The following PCDH11X variants were observed in gnomAD, a reference collection of about 807,000 sequenced individuals.
PCDH11X encodes protocadherin-11 X-linked.
A neutral mutation model predicts 53.3 loss-of-function variants in PCDH11X; 18 were observed. The observed-to-expected ratio is 0.34, with a 90% confidence interval of 0.23 to 0.50. The LOEUF (loss-of-function observed/expected upper bound fraction) is 0.50, where lower values mean the gene tolerates loss of function less well. Ranked by LOEUF, PCDH11X falls within the 20% of genes least tolerant of loss-of-function variation. The probability of loss-of-function intolerance (pLI) is 0.98; values close to 1 mark genes in which losing one functional copy is unlikely to be tolerated. For missense variants in PCDH11X, 570 were observed against 1,032.4 expected (o/e 0.55, Z 6.14); for synonymous variants, 279 against 393.3 (o/e 0.71, Z 3.44).
chrX:92,257,479 A>G (rs932112075), intron 7 of PCDH11X, among the ~76,000 whole-genome samples: 2 of 111,660 alleles, frequency 1.8e-5, no homozygotes, highest in African/African-American at 6.5e-5. Flanking sequence ...CCAAAGTCCA[A>G]AGTCTCATCT....
chrX:91,782,435 G>C (rs1205379623), intron 1 of PCDH11X, among the ~76,000 whole-genome samples: 1 of 106,231 alleles, frequency 9.4e-6, no homozygotes, highest in Non-Finnish European at 1.9e-5. Flanking sequence ...AGTAGTAACT[G>C]GTGTTAAATT....
chrX:92,098,398 ATTTTG>A (rs1373609945), intron 6 of PCDH11X, among the ~76,000 whole-genome samples: 7 of 111,474 alleles, frequency 6.3e-5, no homozygotes, highest in African/African-American at 2.3e-4. Flanking sequence ...CTTCATTTCT[ATTTTG>A]TTTTAATTAA....
At chrX:91,951,949 G>T (rs915307632) in intron 6 of PCDH11X, among the ~76,000 whole-genome samples, 1 of 111,099 alleles carries the variant, frequency 9.0e-6, no homozygotes, top group Non-Finnish European at 1.9e-5. Flanking sequence ...CATTGGTATG[G>T]CTGCTGCTAT....
chrX:91,808,142 A>T (rs1046646854), intron 1 of PCDH11X, among the ~76,000 whole-genome samples: 9 of 110,941 alleles, frequency 8.1e-5, no homozygotes, highest in Non-Finnish European at 1.7e-4. Flanking sequence ...AATAACAAAG[A>T]TCTCTGTAGA....
At chrX:91,921,943 A>G (rs1224986237) in intron 6 of PCDH11X, among the ~76,000 whole-genome samples, 4 of 111,350 alleles carry the variant, frequency 3.6e-5, no homozygotes. Context: ...AATACATAAT[A>G]TCTAAGCCAT....
intron 4 of PCDH11X, among the ~76,000 whole-genome samples, chrX:91,826,253 C>T (rs778444930): frequency 9.1e-6 from 1 of 110,371 alleles, no homozygotes; most frequent in East Asian, 2.8e-4. Context: ...ATTATACAAA[C>T]ACTATCATTT....
intron 8 of PCDH11X, among the ~76,000 whole-genome samples, chrX:92,361,989 C>T (rs1485157542): frequency 9.0e-6 from 1 of 111,359 alleles, no homozygotes; most frequent in Non-Finnish European, 1.9e-5. Flanking sequence ...TAGCATGTGT[C>T]AAAAATACCT....
Position 91,903,156 on chromosome X carries a change from G to C in PCDH11X, c.3033+23883G>C, listed in dbSNP as rs532555313. Reference sequence around the variant, plus strand: ...AAATTCTGTATTCTTAAACACAAGAGTAGCATTTATTGCTTCTATCTCTAC... The same window carrying C: ...AAATTCTGTATTCTTAAACACAAGACTAGCATTTATTGCTTCTATCTCTAC... On this transcript the variant is annotated intron_variant, in intron 6 of 10. Transcript: ENST00000682573. Among the ~76,000 whole-genome samples, 152 of 110,945 alleles carry C rather than the reference G, an allele frequency of 1.4e-3. 3 individuals are homozygous for C. The South Asian group carries it at 0.058, about 42-fold the overall frequency.
intron 6 of PCDH11X, among the ~76,000 whole-genome samples, chrX:92,152,778 TG>T (rs1374161993): frequency 1.9e-5 from 2 of 103,626 alleles, no homozygotes; most frequent in African/African-American, 6.8e-5. Context: ...TATGTATGTA[TG>T]TATGTATGTA....
At chrX:92,062,788 C>T (rs181548384) in intron 6 of PCDH11X, among the ~76,000 whole-genome samples, 86 of 111,264 alleles carry the variant, frequency 7.7e-4, no homozygotes, top group African/African-American at 2.6e-3. Flanking sequence ...GACAGTGTGG[C>T]GATTCCTCAA....
intron 8 of PCDH11X, among the ~76,000 whole-genome samples, chrX:92,371,869 A>G (rs2070632423): frequency 9.0e-6 from 1 of 111,487 alleles, no homozygotes; most frequent in Admixed American, 9.6e-5. Context: ...TTTTGGGTAT[A>G]TAAGGAAGAC....
chrX:92,108,360 A>G (rs2064431111), intron 6 of PCDH11X, among the ~76,000 whole-genome samples: 1 of 112,233 alleles, frequency 8.9e-6, no homozygotes, highest in Non-Finnish European at 1.9e-5. Context: ...TGCCTTGGCA[A>G]GACACTGTAC....
chrX:92,105,664 T>TG (rs1330537289), intron 6 of PCDH11X, among the ~76,000 whole-genome samples: 7 of 79,074 alleles, frequency 8.9e-5, no homozygotes, highest in East Asian at 4.0e-4. Context: ...TGGGCAGGAG[T>TG]GGGGGTCGCA....
chrX:91,848,661 A>G (rs1219089397), intron 5 of PCDH11X, among the ~76,000 whole-genome samples: 1 of 111,959 alleles, frequency 8.9e-6, no homozygotes, highest in South Asian at 3.7e-4. Context: ...TTTTTGCATC[A>G]TATGTTTTGG....
intron 6 of PCDH11X, among the ~76,000 whole-genome samples, chrX:91,977,183 A>T (rs2062058413): frequency 9.0e-6 from 1 of 111,729 alleles, no homozygotes; most frequent in African/African-American, 3.3e-5. Context: ...TAAAATTATC[A>T]TAGAGTTGTA....
intron 6 of PCDH11X, among the ~76,000 whole-genome samples, chrX:92,133,551 AGTTGGGGTTTCTCCAT>A (rs1569377376): frequency 9.0e-6 from 1 of 111,520 alleles, no homozygotes; most frequent in Non-Finnish European, 1.9e-5. Flanking sequence ...TTTTTAGTAG[AGTTGGGGTTTCTCCAT>A]GTTGGTCAGG....
intron 6 of PCDH11X, among the ~76,000 whole-genome samples, chrX:92,009,997 G>T (rs151336610): frequency 9.1e-6 from 1 of 110,444 alleles, no homozygotes; most frequent in East Asian, 2.8e-4. Flanking sequence ...GTGCCACCTC[G>T]CCTGGCCTGT....
rs538610954 is a variant in PCDH11X, at chrX:91,905,507, A to G, written c.3033+26234A>G. Among the ~76,000 whole-genome samples, 149 of 111,502 alleles carry G rather than the reference A, an allele frequency of 1.3e-3. 3 individuals carry two copies. In the South Asian group the frequency reaches 0.055, roughly 41 times the overall value. On this transcript the variant is annotated intron_variant, in intron 6 of 10. Coordinates refer to ENST00000682573, the MANE Select transcript of PCDH11X (RefSeq NM_032968.5). Reference sequence around the variant, plus strand: ...ATCAGTTATCAATACTCTAACGGATAATCTATCATTATTAAATGCTTTTCT... The same window carrying G: ...ATCAGTTATCAATACTCTAACGGATGATCTATCATTATTAAATGCTTTTCT...
intron 6 of PCDH11X, among the ~76,000 whole-genome samples, chrX:92,158,578 T>C (rs1247779394): frequency 8.9e-6 from 1 of 112,053 alleles, no homozygotes; most frequent in Non-Finnish European, 1.9e-5. Context: ...TTTGTCTTTG[T>C]ATTTATTAAC....
Sources: allele counts gnomAD v4.1 joint callset (sites outside exome capture counted in the v4.1 genomes callset), GRCh38; gene constraint gnomAD v4.1.1; transcripts MANE v1.5; gene names NCBI Gene and HGNC (gene_info 2026-07-23, HGNC 2026-07-21).